Variants in AMPH observed in about 807,000 individuals in gnomAD.
The protein encoded by AMPH is amphiphysin (Stiff-Mann syndrome with breast cancer 128kD autoantigen).
A neutral mutation model predicts 99.1 loss-of-function variants in AMPH; 49 were observed. The ratio of observed to expected loss-of-function variants is 0.49; its 90% CI spans 0.39 to 0.63. The LOEUF (loss-of-function observed/expected upper bound fraction) is 0.63. Ranked by LOEUF, AMPH falls within the 20% of genes least tolerant of loss-of-function variation. The pLI is 0.00. For missense variants in AMPH, 759 were observed against 863.4 expected (o/e 0.88, Z 1.52); for synonymous variants, 314 against 317.3 (o/e 0.99, Z 0.11).
chr7:38,563,462 G>C (rs947576128), intron 1 of AMPH, among the ~76,000 whole-genome samples: 1 of 152,068 alleles, frequency 6.6e-6, no homozygotes, highest in African/African-American at 2.4e-5. Context: ...AAAAGGAAAG[G>C]CCTGACTTAA....
intron 7 of AMPH, among the ~76,000 whole-genome samples, chr7:38,472,457 AG>A (rs1787921298): frequency 6.6e-6 from 1 of 152,160 alleles, no homozygotes; most frequent in Non-Finnish European, 1.5e-5. Context: ...TAACAACCTA[AG>A]GTAAGGTATT....
intron 1 of AMPH, among the ~76,000 whole-genome samples, chr7:38,553,532 T>C (rs1457763755): frequency 6.6e-6 from 1 of 152,240 alleles, no homozygotes; most frequent in Non-Finnish European, 1.5e-5. Context: ...ACACGTGCCA[T>C]TTTAAAGCAC....
intron 2 of AMPH, among the ~76,000 whole-genome samples, chr7:38,524,070 G>A (rs1790072633): frequency 6.6e-6 from 1 of 152,150 alleles, no homozygotes; most frequent in Admixed American, 6.5e-5. Context: ...CACTAGCAGT[G>A]GCACAAATTA....
chr7:38,581,606 G>T (rs1441514285), intron 1 of AMPH, among the ~76,000 whole-genome samples: 1 of 152,148 alleles, frequency 6.6e-6, no homozygotes, highest in Non-Finnish European at 1.5e-5. Context: ...CCTTTTAACA[G>T]GAACAGACTG....
chr7:38,475,309 A>G lies in AMPH; in HGVS notation c.590+22T>C, dbSNP rs368270237. 95 of 1,522,150 alleles carry G rather than the reference A, an allele frequency of 6.2e-5. No individual in the cohort carries two copies. In the African/African-American group the frequency reaches 1.1e-3, roughly 18 times the overall value. 94.3% of individuals were successfully genotyped at this position (1,522,150 alleles called of 1,614,324 possible). ...TGAATTTCTAAAAGGAACATGTGCA[A>G]CCCATAGAGAAACATTTTTACCTTG... On this transcript the variant is annotated intron_variant, in intron 7 of 20. Transcript: ENST00000356264.
At chr7:38,498,057 C>A (rs371482721) in intron 3 of AMPH, among the ~76,000 whole-genome samples, 9 of 152,320 alleles carry the variant, frequency 5.9e-5, no homozygotes, top group Admixed American at 3.3e-4. Flanking sequence ...ATACCTCAAA[C>A]TTCACATGTC....
In AMPH at chr7:38,403,049, G is replaced by T. The variant is rs754192231; in HGVS notation, c.1399-8835C>A. Among the ~76,000 whole-genome samples, 279 of 136,748 alleles carry T rather than the reference G, an allele frequency of 2.0e-3. 1 individual carries two copies. Among genetic ancestry groups the T allele is most frequent in the African/African-American group, 6.1e-3 (247 of 40,312 alleles). The allele number at this position is 136,748 out of a possible 152,430, so 89.7% of individuals were successfully genotyped here. A position where few individuals can be genotyped will look rare whatever the true frequency, so the allele number is the denominator to read the frequency against. ...TAAAAAAATGCTCCAAGGTTTTTTTGTTGTTGTTGTTGTTTTTTCCAAGAT... is the reference window on the plus strand; with the variant it reads ...TAAAAAAATGCTCCAAGGTTTTTTTTTTGTTGTTGTTGTTTTTTCCAAGAT... On this transcript the variant is annotated intron_variant, in intron 17 of 20. Transcript: ENST00000356264.
chr7:38,397,387 T>C (rs1784700997), intron 17 of AMPH, among the ~76,000 whole-genome samples: 1 of 152,232 alleles, frequency 6.6e-6, no homozygotes, highest in African/African-American at 2.4e-5. Context: ...TCTAGATATC[T>C]ATCAATTTGG....
At chr7:38,564,443 G>A (rs367670545) in intron 1 of AMPH, among the ~76,000 whole-genome samples, 91 of 152,302 alleles carry the variant, frequency 6.0e-4, no homozygotes, top group African/African-American at 1.9e-3. Flanking sequence ...AAGAGGGCTG[G>A]TGGTGAGGTA....
chr7:38,441,019 T>C (rs1054088476), intron 11 of AMPH, among the ~76,000 whole-genome samples: 1 of 151,972 alleles, frequency 6.6e-6, no homozygotes, highest in African/African-American at 2.4e-5. Context: ...ATACTGTCTA[T>C]AAGAAACTAA....
intron 1 of AMPH, among the ~76,000 whole-genome samples, chr7:38,560,834 G>A (rs1791528944): frequency 6.6e-6 from 1 of 152,118 alleles, no homozygotes; most frequent in South Asian, 2.1e-4. Context: ...CCATCCTCAG[G>A]GATGCTGATT....
intron 18 of AMPH, 126 bp from the exon 19 acceptor site, chr7:38,392,143 C>A: frequency 1.1e-6 from 1 of 943,330 alleles, no homozygotes; most frequent in Admixed American, 2.6e-5. Context: ...CCCCACTAGC[C>A]AGACTCAGGT....
chr7:38,529,638 C>A (rs1790319381), intron 2 of AMPH, among the ~76,000 whole-genome samples: 1 of 152,188 alleles, frequency 6.6e-6, no homozygotes, highest in Non-Finnish European at 1.5e-5. Flanking sequence ...TGTAGGGCAA[C>A]TGAGGCTCTC....
At chr7:38,520,273 T>C (rs906886178) in intron 2 of AMPH, among the ~76,000 whole-genome samples, 3 of 152,202 alleles carry the variant, frequency 2.0e-5, no homozygotes, top group South Asian at 2.1e-4. Context: ...TCCCTAGTCA[T>C]AGTATATTAT....
chr7:38,450,674 C>T (rs73692385), intron 11 of AMPH, among the ~76,000 whole-genome samples: 8,254 of 152,224 alleles, frequency 0.054, 609 homozygotes, highest in East Asian at 0.35. Flanking sequence ...GATGGTGAGA[C>T]TGTTCTTTTT....
At chr7:38,473,041 G>A (rs1269830484) in intron 7 of AMPH, among the ~76,000 whole-genome samples, 1 of 152,100 alleles carries the variant, frequency 6.6e-6, no homozygotes, top group Non-Finnish European at 1.5e-5. Flanking sequence ...TACATATTAA[G>A]GCAAATAATA....
At position 38,448,887 on chromosome 7, in the gene AMPH, G is replaced by A. The variant is rs763841482; in HGVS notation, c.1017+12396C>T. Among the ~76,000 whole-genome samples, 154 of 152,180 alleles carry A rather than the reference G, an allele frequency of 1.0e-3. 2 individuals are homozygous for A. Among genetic ancestry groups the A allele is most frequent in the Admixed American group, 1.4e-3 (21 of 15,286 alleles). On this transcript the variant is annotated intron_variant, in intron 11 of 20. Transcript: ENST00000356264. Reference sequence around the variant, plus strand: ...TTGTTTTCCTACTTTGTTTTGTTTTGACTTTGTTTTTTATTAGAACAAGTT... The same window carrying A: ...TTGTTTTCCTACTTTGTTTTGTTTTAACTTTGTTTTTTATTAGAACAAGTT...
intron 2 of AMPH, among the ~76,000 whole-genome samples, chr7:38,505,957 G>A (rs1001145670): frequency 1.3e-5 from 2 of 152,160 alleles, no homozygotes; most frequent in Admixed American, 6.5e-5. Context: ...CTGCCTCAGC[G>A]ACATCAGGCT....
At chr7:38,493,830 T>A (rs539191649) in intron 4 of AMPH, among the ~76,000 whole-genome samples, 1 of 152,208 alleles carries the variant, frequency 6.6e-6, no homozygotes, top group Non-Finnish European at 1.5e-5. Context: ...AATCACACCA[T>A]GATCCATGTC....
Sources: allele counts gnomAD v4.1 joint callset (sites outside exome capture counted in the v4.1 genomes callset), GRCh38; gene constraint gnomAD v4.1.1; transcripts MANE v1.5; gene names NCBI Gene and HGNC (gene_info 2026-07-23, HGNC 2026-07-21).